SGTB: variants seen among roughly 807,000 people sequenced by gnomAD.
SGTB encodes small glutamine rich tetratricopeptide repeat co-chaperone beta.
SGTB carries 19 observed loss-of-function variants against 43.9 expected under a neutral mutation model. The observed-to-expected ratio is 0.43, with a 90% CI of 0.30 to 0.63. The LOEUF (loss-of-function observed/expected upper bound fraction) is 0.63, where lower values mean the gene tolerates loss of function less well. Ranked by LOEUF, SGTB falls within the 30% of genes least tolerant of loss-of-function variation. The probability of loss-of-function intolerance (pLI) is 0.12; values close to 1 mark genes in which losing one functional copy is unlikely to be tolerated. For missense variants in SGTB, 304 were observed against 358.9 expected (o/e 0.85, Z 1.24); for synonymous variants, 116 against 117.3 (o/e 0.99, Z 0.07).
chr5:65,694,170 G>A (rs1328688049), intron 5 of SGTB, among the ~76,000 whole-genome samples: 1 of 151,994 alleles, frequency 6.6e-6, no homozygotes, highest in Non-Finnish European at 1.5e-5. Context: ...TGGCTCACAC[G>A]TGTAATCCCA....
intron 8 of SGTB, among the ~76,000 whole-genome samples, chr5:65,678,486 G>GA (rs1757325200): frequency 6.6e-6 from 1 of 152,044 alleles, no homozygotes; most frequent in African/African-American, 2.4e-5. Flanking sequence ...CACAGAATTA[G>GA]AAAAAACTAT....
intron 3 of SGTB, among the ~76,000 whole-genome samples, chr5:65,709,382 GT>G (rs547273264): frequency 0.041 from 5,852 of 141,516 alleles, 299 homozygotes; most frequent in African/African-American, 0.13. Flanking sequence ...ATATTGTCCA[GT>G]TTTTTTTTTT....
chr5:65,689,496 T>C (rs1369470265), intron 5 of SGTB, among the ~76,000 whole-genome samples: 1 of 152,306 alleles, frequency 6.6e-6, no homozygotes, highest in Non-Finnish European at 1.5e-5. Flanking sequence ...ACCAATATAA[T>C]TGTAATTTAT....
At chr5:65,672,330 G>A (rs759962652) in intron 8 of SGTB, 49 bp from the exon 9 acceptor site, 3 of 1,574,986 alleles carry the variant, frequency 1.9e-6, no homozygotes, top group Admixed American at 1.8e-5. Context: ...AATATGTAGG[G>A]ATCTTAGCAA....
At chr5:65,675,271 A>G (rs1253392418) in intron 8 of SGTB, among the ~76,000 whole-genome samples, 1 of 152,220 alleles carries the variant, frequency 6.6e-6, no homozygotes, top group Non-Finnish European at 1.5e-5. Flanking sequence ...TATCAAATAA[A>G]CTCTAAAGAT....
intron 3 of SGTB, among the ~76,000 whole-genome samples, chr5:65,711,707 G>A (rs1758049675): frequency 6.6e-6 from 1 of 152,212 alleles, no homozygotes; most frequent in South Asian, 2.1e-4. Context: ...TCTCCCAAGT[G>A]TAATAAAAGG....
chr5:65,701,399 GA>G (rs1757815045), intron 5 of SGTB, among the ~76,000 whole-genome samples: 1 of 148,186 alleles, frequency 6.7e-6, no homozygotes, highest in South Asian at 2.1e-4. Context: ...GGAAAAATAA[GA>G]AAATAGAAGT....
upstream of SGTB, chr5:65,722,654 A>T: frequency 1.9e-6 from 1 of 516,488 alleles, no homozygotes; most frequent in South Asian, 2.4e-5. Context: ...GGACTGCCTC[A>T]GCCGCAGTCA....
At chr5:65,682,071 A>T (rs1438219915) in intron 6 of SGTB, among the ~76,000 whole-genome samples, 1 of 152,198 alleles carries the variant, frequency 6.6e-6, no homozygotes, top group African/African-American at 2.4e-5. Flanking sequence ...GGGCAATATT[A>T]AAGGAATGAA....
At chr5:65,722,373 C>T, upstream of SGTB, 5 of 1,582,562 alleles carry the variant, frequency 3.2e-6, no homozygotes, top group South Asian at 1.2e-5. Flanking sequence ...TCAGCGCTCC[C>T]ATGATCGCCC....
chr5:65,721,214 T>C (rs2150727425), intron 1 of SGTB, among the ~76,000 whole-genome samples: 1 of 152,254 alleles, frequency 6.6e-6, no homozygotes, highest in East Asian at 1.9e-4. Context: ...ATACCAAGCA[T>C]CTTCCTCTTT....
chr5:65,693,167 T>A (rs1757645225), intron 5 of SGTB, among the ~76,000 whole-genome samples: 1 of 147,458 alleles, frequency 6.8e-6, no homozygotes. Flanking sequence ...CCAGGCTGGG[T>A]GACAGAGTGA....
Position 65,667,654 on chromosome 5 carries a change from T to C in SGTB, c.*2592A>G, listed in dbSNP as rs957524962. ...TCGTTGTAGCTTTGTTTGGCCCAGGTGCTTAGGTGTTTGCAGGTCTGAGAA... is the reference window on the plus strand; with the variant it reads ...TCGTTGTAGCTTTGTTTGGCCCAGGCGCTTAGGTGTTTGCAGGTCTGAGAA... On this transcript the variant is annotated 3_prime_UTR_variant, in exon 11 of 11. Coordinates refer to ENST00000381007, the MANE Select transcript of SGTB (RefSeq NM_019072.3). 2.6e-5 allele frequency: 4 copies of C among 152,178 alleles called. No homozygotes were observed. The highest frequency in any genetic ancestry group is 5.9e-5 in the Non-Finnish European group (4 of 68,030). The allele number at this position is 152,178 out of a possible 1,614,324, so 9.4% of individuals were successfully genotyped here.
chr5:65,683,122 C>G (rs1455070772), intron 6 of SGTB, among the ~76,000 whole-genome samples: 1 of 151,822 alleles, frequency 6.6e-6, no homozygotes, highest in South Asian at 2.1e-4. Context: ...AGGCACATTA[C>G]AGTCCTCTTG....
At chr5:65,672,315 C>A (rs1757174774) in intron 8 of SGTB, 34 bp from the exon 9 acceptor site, 1 of 1,610,312 alleles carries the variant, frequency 6.2e-7, no homozygotes, top group African/African-American at 1.4e-5. Flanking sequence ...CCATTAAAGG[C>A]AGTTAATATG....
chr5:65,719,486 A>C (rs1758213067), intron 2 of SGTB, among the ~76,000 whole-genome samples: 1 of 152,064 alleles, frequency 6.6e-6, no homozygotes, highest in Non-Finnish European at 1.5e-5. Context: ...CCAGCTACTC[A>C]GGAGGCCGAG....
rs920421648 is a variant in SGTB at position 65,668,814 on chromosome 5, T to C, written c.*1432A>G. 3 of 151,236 alleles carry C rather than the reference T, an allele frequency of 2.0e-5. No individual in the cohort carries two copies. Among genetic ancestry groups the C allele is most frequent in the Non-Finnish European group, 4.4e-5 (3 of 67,916 alleles). The allele number at this position is 151,236 out of a possible 1,614,324, so 9.4% of individuals were successfully genotyped here. ...TCCCAGCTACTTGGGAGCTTAAGGC[T>C]CGAGAATCACTTGAATCCAGGAGGT... is the stretch of plus-strand genomic sequence containing the variant. On this transcript the variant is annotated 3_prime_UTR_variant, in exon 11 of 11. Coordinates refer to ENST00000381007, the MANE Select transcript of SGTB (RefSeq NM_019072.3).
At position 65,706,596 on chromosome 5, in the gene SGTB, C is replaced by T. The variant is rs528905622; in HGVS notation, c.274+1893G>A. 2.7e-3 allele frequency among the ~76,000 whole-genome samples: 404 copies of T among 152,312 alleles called. 3 individuals carry two copies. Among genetic ancestry groups the T allele is most frequent in the African/African-American group, 8.9e-3 (368 of 41,570 alleles). ...TCTGTAATCCTGGCACTTTGGGAGGCCGAGGTGGGTGGATCACCTGAGGTC... is the reference window on the plus strand; with the variant it reads ...TCTGTAATCCTGGCACTTTGGGAGGTCGAGGTGGGTGGATCACCTGAGGTC... On this transcript the variant is annotated intron_variant, in intron 4 of 10. Transcript: ENST00000381007.
chr5:65,721,836 G>C (rs1220577774), intron 1 of SGTB, 81 bp downstream of exon 1: 1 of 152,388 alleles, frequency 6.6e-6, no homozygotes, highest in African/African-American at 2.4e-5. Flanking sequence ...CCTCGGCCCT[G>C]CCCGGTGTGC....
Sources: gnomAD v4.1 joint callset for allele counts (sites outside exome capture counted in the v4.1 genomes callset) on GRCh38, gnomAD v4.1.1 for gene constraint, MANE v1.5 for transcripts, NCBI Gene and HGNC (gene_info 2026-07-23, HGNC 2026-07-21) for gene names.